The following PDXDC1 variants were observed in gnomAD, a reference collection of about 807,000 sequenced individuals.
The protein encoded by PDXDC1 is pyridoxal dependent decarboxylase domain containing 1.
A neutral mutation model predicts 100.1 loss-of-function variants in PDXDC1; 42 were observed. The observed-to-expected ratio is 0.42, with a 90% CI of 0.33 to 0.54. The LOEUF is 0.54. PDXDC1 is among the 20% of genes least tolerant of loss of function. The probability of loss-of-function intolerance (pLI) is 0.10; values close to 1 mark genes in which losing one functional copy is unlikely to be tolerated. For synonymous variants in PDXDC1, 260 were observed against 371.7 expected (o/e 0.70, Z 3.46); for missense variants, 636 against 979.2 (o/e 0.65, Z 4.68).
intron 13 of PDXDC1, among the ~76,000 whole-genome samples, chr16:15,023,201 G>A (rs916705607): frequency 6.6e-6 from 1 of 152,280 alleles, no homozygotes; most frequent in African/African-American, 2.4e-5. Context: ...AAAGCAAATG[G>A]CCCTGCTCTT....
At chr16:15,073,692 T>A (rs1254048995) in intron 16 of PDXDC1, among the ~76,000 whole-genome samples, 1 of 152,168 alleles carries the variant, frequency 6.6e-6, no homozygotes, top group Admixed American at 6.5e-5. Flanking sequence ...AACAGCTGAA[T>A]ATATAGGCAC....
intron 8 of PDXDC1, among the ~76,000 whole-genome samples, chr16:15,014,611 A>G (rs543493991): frequency 9.2e-5 from 14 of 152,380 alleles, no homozygotes; most frequent in South Asian, 8.3e-4. Context: ...TTTAGGTATG[A>G]GGGGAAAAAG....
At chr16:15,093,010 A>AT (rs557028723) in intron 16 of PDXDC1, among the ~76,000 whole-genome samples, 104 of 148,324 alleles carry the variant, frequency 7.0e-4, no homozygotes, top group South Asian at 2.6e-3. Context: ...ACGTGGCTGG[A>AT]TTTTTTTTTT....
At chr16:15,073,148 T>C in intron 16 of PDXDC1, 1 of 1,523,980 alleles carries the variant, frequency 6.6e-7, no homozygotes, top group East Asian at 2.3e-5. Context: ...GCCATATTTT[T>C]TATAAACACA....
chr16:14,989,967 C>T, intron 1 of PDXDC1: 1 of 1,461,072 alleles, frequency 6.8e-7, no homozygotes, highest in Non-Finnish European at 9.0e-7. Flanking sequence ...CGCCTCCAGG[C>T]AGGCAGACGG....
At chr16:15,075,968 T>C (rs1597929041) in intron 16 of PDXDC1, among the ~76,000 whole-genome samples, 1 of 152,098 alleles carries the variant, frequency 6.6e-6, no homozygotes, top group Admixed American at 6.5e-5. Flanking sequence ...AATGACTGAT[T>C]GACAAGGCAT....
intron 16 of PDXDC1, among the ~76,000 whole-genome samples, chr16:15,050,440 A>T (rs1479778869): frequency 6.6e-6 from 1 of 152,114 alleles, no homozygotes; most frequent in East Asian, 1.9e-4. Flanking sequence ...CACTTAATAA[A>T]ACATAAGAGC....
At chr16:15,035,662 C>T (rs1189647655) in intron 22 of PDXDC1, 109 bp downstream of exon 22, 4 of 619,624 alleles carry the variant, frequency 6.5e-6, no homozygotes, top group African/African-American at 1.9e-5. Context: ...CTCTTAAGAC[C>T]AACTACTACC....
intron 16 of PDXDC1, among the ~76,000 whole-genome samples, chr16:15,095,215 G>A (rs902080648): frequency 2.0e-5 from 3 of 152,010 alleles, no homozygotes; most frequent in African/African-American, 4.8e-5. Flanking sequence ...CATAGGAAAC[G>A]GAGGAAACAG....
chr16:15,122,287 T>G (rs1000826472), intron 16 of PDXDC1, among the ~76,000 whole-genome samples: 7 of 149,052 alleles, frequency 4.7e-5, no homozygotes, highest in South Asian at 2.2e-4. Flanking sequence ...CTCGGCTCAC[T>G]GCAACGTCCA....
chr16:15,130,216 G>A (rs1308964980), intron 16 of PDXDC1: 24 of 1,551,036 alleles, frequency 1.5e-5, no homozygotes, highest in African/African-American at 5.5e-5. Context: ...AACACAAAGC[G>A]TACATGGCTT....
At chr16:15,034,150 T>C in intron 19 of PDXDC1, 136 bp from the exon 20 acceptor site, 1 of 691,850 alleles carries the variant, frequency 1.4e-6, no homozygotes, top group Non-Finnish European at 2.5e-6. Flanking sequence ...GAGTTTCTGT[T>C]CGTTTTACGC....
At chr16:14,988,063 C>T (rs1348619663) in intron 1 of PDXDC1, among the ~76,000 whole-genome samples, 1 of 152,284 alleles carries the variant, frequency 6.6e-6, no homozygotes, top group African/African-American at 2.4e-5. Flanking sequence ...GTCCACTGGC[C>T]CCTTCCCTCC....
At chr16:15,105,305 AAC>A (rs1462443673) in intron 16 of PDXDC1, among the ~76,000 whole-genome samples, 1 of 70,234 alleles carries the variant, frequency 1.4e-5, no homozygotes, top group Non-Finnish European at 2.8e-5. Context: ...AATCTAAGAA[AAC>A]AGAGGTTTCC....
intron 16 of PDXDC1, among the ~76,000 whole-genome samples, chr16:15,088,041 C>T (rs1029873793): frequency 6.6e-6 from 1 of 151,784 alleles, no homozygotes; most frequent in Non-Finnish European, 1.5e-5. Flanking sequence ...TTAAAAAACT[C>T]GGAGGCAGAG....
Position 15,038,145 on chromosome 16 carries a change from C to T in PDXDC1, c.*1870C>T, listed in dbSNP as rs1567750002. ...CTGGAGATGGGTGTTTTTTTAAAAA[C>T]ATCAAGGTAGATCTAATATGTTCAA... is the stretch of plus-strand genomic sequence containing the variant. On this transcript the variant is annotated 3_prime_UTR_variant, in exon 23 of 23. Coordinates refer to ENST00000396410, the MANE Select transcript of PDXDC1 (RefSeq NM_015027.4). 1.9e-6 allele frequency: 3 copies of T among 1,613,144 alleles called. No individual in the cohort carries two copies. The highest frequency in any genetic ancestry group is 2.5e-6 in the Non-Finnish European group (3 of 1,179,324).
At chr16:15,011,631 C>CTTTTTTTTTTTTTTTTT in intron 8 of PDXDC1, among the ~76,000 whole-genome samples, 23 of 131,274 alleles carry the variant, frequency 1.8e-4, no homozygotes, top group South Asian at 2.4e-4. Flanking sequence ...ACATTTTTTT[C>CTTTTTTTTTTTTTTTTT]TTTTTTTTTT....
intron 16 of PDXDC1, among the ~76,000 whole-genome samples, chr16:15,099,831 A>C (rs117310372): frequency 2.3e-4 from 35 of 152,282 alleles, no homozygotes; most frequent in Non-Finnish European, 3.7e-4. Context: ...TACCCAGAAG[A>C]CCCATTAAAC....
At chr16:15,102,887 T>C (rs1383233248) in intron 16 of PDXDC1, among the ~76,000 whole-genome samples, 1 of 149,418 alleles carries the variant, frequency 6.7e-6, no homozygotes, top group African/African-American at 2.5e-5. Context: ...TAAAGTGAGC[T>C]GATTGAGCCA....
Sources: allele counts gnomAD v4.1 joint callset (sites outside exome capture counted in the v4.1 genomes callset), GRCh38; gene constraint gnomAD v4.1.1; transcripts MANE v1.5; gene names NCBI Gene and HGNC (gene_info 2026-07-23, HGNC 2026-07-21).